The following PLXDC2 variants were observed in gnomAD, a reference collection of about 807,000 sequenced individuals.
PLXDC2 encodes the protein plexin domain-containing protein 2.
PLXDC2 carries 40 observed loss-of-function variants against 68.9 expected under a neutral mutation model. The observed-to-expected ratio is 0.58, with a 90% CI of 0.45 to 0.76. PLXDC2 has a LOEUF of 0.76. Ranked by LOEUF, PLXDC2 falls within the 30% of genes least tolerant of loss-of-function variation. The pLI is 0.00. For synonymous variants in PLXDC2, 243 were observed against 234.2 expected, an observed-to-expected ratio of 1.04 and a Z score of -0.34; for missense variants, 644 against 661.9, an observed-to-expected ratio of 0.97 and a Z score of 0.30.
rs114932053 is a variant in PLXDC2 at position 20,228,221 on chromosome 10, C to A, written c.1312+9119C>A. On this transcript the variant is annotated intron_variant, in intron 12 of 13. Coordinates refer to ENST00000377252, the MANE Select transcript of PLXDC2 (RefSeq NM_032812.9). ...TTAGGCATCAGCAGCGTATAAATGA[C>A]AGTTGAAGTTAAGGAGATGAATTAG... Among the ~76,000 whole-genome samples, 704 of 152,144 alleles carry A rather than the reference C, an allele frequency of 4.6e-3. 8 individuals carry two copies. Among genetic ancestry groups the A allele is most frequent in the African/African-American group, 0.014 (576 of 41,494 alleles).
intron 1 of PLXDC2, among the ~76,000 whole-genome samples, chr10:19,965,753 T>G (rs985288481): frequency 4.6e-5 from 7 of 151,976 alleles, no homozygotes; most frequent in Non-Finnish European, 8.8e-5. Context: ...TGAAAGTGTC[T>G]TAATGTATGA....
chr10:20,042,173 C>G (rs1427315693), intron 2 of PLXDC2, among the ~76,000 whole-genome samples: 1 of 152,146 alleles, frequency 6.6e-6, no homozygotes. Context: ...GGGTTCATCT[C>G]TGTAATTCTT....
intron 1 of PLXDC2, among the ~76,000 whole-genome samples, chr10:19,860,225 T>C (rs995069477): frequency 7.9e-5 from 12 of 152,204 alleles, no homozygotes; most frequent in South Asian, 2.1e-4. Flanking sequence ...TTTGCAATCA[T>C]TGATCTGAAC....
In PLXDC2 at chr10:19,816,861, AAG is replaced by A. The variant is rs1212315429; in HGVS notation, c.-214_-213del. 3 of 578,092 alleles carry A rather than the reference AAG, an allele frequency of 5.2e-6. No individual in the cohort carries two copies. Among genetic ancestry groups the A allele is most frequent in the Non-Finnish European group, 6.1e-6 (2 of 325,516 alleles). 35.8% of individuals were successfully genotyped at this position (578,092 alleles called of 1,614,324 possible). On this transcript the variant is annotated 5_prime_UTR_variant, in exon 1 of 14. Transcript: ENST00000377252. ...AGGGCTGCGAGTGTGGCAAGTTGCA[AAG>A]AGAGCCTCAGAGGTCCGAAGAGCGC...
intron 1 of PLXDC2, among the ~76,000 whole-genome samples, chr10:19,843,570 G>A (rs548620637): frequency 2.0e-5 from 3 of 152,276 alleles, no homozygotes; most frequent in Admixed American, 2.0e-4. Context: ...TAAATGTGGT[G>A]TATATACACA....
chr10:19,997,351 A>G (rs185987171), intron 1 of PLXDC2, among the ~76,000 whole-genome samples: 37 of 152,348 alleles, frequency 2.4e-4, no homozygotes, highest in African/African-American at 8.4e-4. Context: ...AAATGTATCT[A>G]TCCAGCCAAT....
chr10:19,869,467 AAGG>A (rs1837490244), intron 1 of PLXDC2, among the ~76,000 whole-genome samples: 3 of 26,474 alleles, frequency 1.1e-4, no homozygotes, highest in African/African-American at 3.7e-4. Context: ...GAGAGAGAGA[AAGG>A]GGGGGGGGGG....
At chr10:20,201,290 A>G (rs1158241829) in intron 9 of PLXDC2, among the ~76,000 whole-genome samples, 1 of 152,094 alleles carries the variant, frequency 6.6e-6, no homozygotes, top group East Asian at 1.9e-4. Context: ...AGTCCAGAAC[A>G]GAAAATTTAA....
chr10:20,227,779 G>T (rs969117222), intron 12 of PLXDC2, among the ~76,000 whole-genome samples: 1 of 152,122 alleles, frequency 6.6e-6, no homozygotes, highest in Admixed American at 6.5e-5. Flanking sequence ...GTATTGCAGG[G>T]AACAGGAGGG....
At chr10:20,181,244 T>C (rs1405311073) in intron 9 of PLXDC2, among the ~76,000 whole-genome samples, 1 of 152,068 alleles carries the variant, frequency 6.6e-6, no homozygotes, top group Non-Finnish European at 1.5e-5. Context: ...TGAAAATATG[T>C]TCTTTGCACT....
chr10:19,856,268 CT>C (rs1589503156), intron 1 of PLXDC2, among the ~76,000 whole-genome samples: 1 of 151,772 alleles, frequency 6.6e-6, no homozygotes, highest in East Asian at 1.9e-4. Context: ...TTGTCTTTTT[CT>C]ATTTTTTTGC....
At chr10:19,927,444 G>A (rs1833555256) in intron 1 of PLXDC2, among the ~76,000 whole-genome samples, 5 of 152,038 alleles carry the variant, frequency 3.3e-5, no homozygotes, top group Non-Finnish European at 7.4e-5. Context: ...GCTCATGCCT[G>A]TAATCCCAGC....
At chr10:19,872,382 T>A (rs561109662) in intron 1 of PLXDC2, among the ~76,000 whole-genome samples, 1 of 152,280 alleles carries the variant, frequency 6.6e-6, no homozygotes, top group African/African-American at 2.4e-5. Flanking sequence ...AGGTCAAAAT[T>A]GGCAAATGTA....
At chr10:20,146,487 T>TTTTC (rs1834081250) in intron 5 of PLXDC2, among the ~76,000 whole-genome samples, 1 of 40,366 alleles carries the variant, frequency 2.5e-5, no homozygotes, top group Admixed American at 2.9e-4. Flanking sequence ...TTTCTTTTCT[T>TTTTC]TTTCCTTCCT....
At chr10:20,140,346 T>C (rs1459669244) in intron 4 of PLXDC2, among the ~76,000 whole-genome samples, 1 of 150,764 alleles carries the variant, frequency 6.6e-6, no homozygotes, top group Admixed American at 6.6e-5. Context: ...AACAAACATA[T>C]TGCTTAAATT....
rs1006848000 is a variant in PLXDC2 at position 20,046,727 on chromosome 10, A to G, written c.325-142A>G. ...GTGTGCACATTTACTTATTTAATCC[A>G]AATTCACTTCTCCTAGAGTATAGTT... On this transcript the variant is annotated intron_variant, in intron 2 of 13. Transcript: ENST00000377252. 6 of 770,910 alleles carry G rather than the reference A, an allele frequency of 7.8e-6. No individual in the cohort carries two copies. In the African/African-American group the frequency reaches 8.8e-5, roughly 11 times the overall value. The allele number at this position is 770,910 out of a possible 1,614,324, so 47.8% of individuals were successfully genotyped here. A position where few individuals can be genotyped will look rare whatever the true frequency, so the allele number is the denominator to read the frequency against.
chr10:19,917,707 C>G (rs1589535334), intron 1 of PLXDC2, among the ~76,000 whole-genome samples: 1 of 152,162 alleles, frequency 6.6e-6, no homozygotes, highest in Non-Finnish European at 1.5e-5. Flanking sequence ...CTTTAATTCT[C>G]CAAAAGTCCA....
intron 1 of PLXDC2, among the ~76,000 whole-genome samples, chr10:19,854,613 A>G (rs1177629811): frequency 3.9e-5 from 6 of 152,162 alleles, no homozygotes; most frequent in Admixed American, 3.9e-4. Context: ...TTTACATTAT[A>G]AGGTTAATTT....
At chr10:20,234,285 G>A (rs1835403405) in intron 12 of PLXDC2, among the ~76,000 whole-genome samples, 4 of 152,168 alleles carry the variant, frequency 2.6e-5, no homozygotes, top group African/African-American at 4.8e-5. Flanking sequence ...TGGTGGAACA[G>A]GTCAGGTCAG....
Sources: allele counts gnomAD v4.1 joint callset (sites outside exome capture counted in the v4.1 genomes callset), GRCh38; gene constraint gnomAD v4.1.1; transcripts MANE v1.5; gene names NCBI Gene and HGNC (gene_info 2026-07-23, HGNC 2026-07-21).